Variants in INPP4B observed in about 807,000 individuals in gnomAD.
INPP4B encodes inositol polyphosphate 4-phosphatase type II.
A neutral mutation model predicts 122.5 loss-of-function variants in INPP4B; 55 were observed. The observed-to-expected ratio is 0.45, with a 90% confidence interval of 0.36 to 0.56. INPP4B has a LOEUF of 0.56. Ranked by LOEUF, INPP4B falls within the 20% of genes least tolerant of loss-of-function variation. The pLI is 0.00. For synonymous variants in INPP4B, 403 were observed against 388.7 expected (o/e 1.04, Z -0.43); for missense variants, 1,000 against 1,097.7 (o/e 0.91, Z 1.26).
intron 2 of INPP4B, among the ~76,000 whole-genome samples, chr4:142,515,568 A>G (rs372358242): frequency 7.2e-5 from 11 of 152,320 alleles, no homozygotes; most frequent in African/African-American, 2.2e-4. Flanking sequence ...AAGGGAATTC[A>G]GAGACTCATA....
At position 142,221,137 on chromosome 4, in the gene INPP4B, C is replaced by T. The variant is rs549699128; in HGVS notation, c.837-12111G>A. Among the ~76,000 whole-genome samples the T allele has an allele frequency of 7.2e-5, 11 of 152,112 alleles. No homozygotes were observed. In the South Asian group the frequency reaches 1.0e-3, roughly 14 times the overall value. On this transcript the variant is annotated intron_variant, in intron 12 of 25. Coordinates refer to ENST00000262992, the MANE Select transcript of INPP4B (RefSeq NM_001101669.3). ...CAATCCGGCTGGGCACGGTGGTTCA[C>T]GCCTGTAATCCCAGCACTTTGGGAG...
intron 1 of INPP4B, among the ~76,000 whole-genome samples, chr4:142,778,146 A>G (rs755735216): frequency 6.6e-6 from 1 of 152,200 alleles, no homozygotes; most frequent in African/African-American, 2.4e-5. Context: ...AACATGCTGT[A>G]AGCTTCAGTA....
At chr4:142,615,264 G>T (rs1241120553) in intron 2 of INPP4B, among the ~76,000 whole-genome samples, 1 of 152,110 alleles carries the variant, frequency 6.6e-6, no homozygotes, top group African/African-American at 2.4e-5. Context: ...TTTTAGAAAG[G>T]GAGGAGGTTT....
At chr4:142,151,221 C>G (rs1390061170) in intron 17 of INPP4B, among the ~76,000 whole-genome samples, 2 of 152,142 alleles carry the variant, frequency 1.3e-5, no homozygotes, top group African/African-American at 4.8e-5. Flanking sequence ...TTGAGTTGCA[C>G]TTAAAATATT....
At chr4:142,210,198 G>A (rs1056998107) in intron 12 of INPP4B, among the ~76,000 whole-genome samples, 2 of 152,078 alleles carry the variant, frequency 1.3e-5, no homozygotes, top group Non-Finnish European at 2.9e-5. Context: ...ATAAATTCAC[G>A]AGCTGTAGAA....
intron 1 of INPP4B, chr4:142,766,932 A>G (rs1772235032): frequency 6.6e-6 from 1 of 152,138 alleles, no homozygotes; most frequent in South Asian, 2.1e-4. Context: ...ATTCTTAATG[A>G]CTCTAAAAAC....
intron 7 of INPP4B, among the ~76,000 whole-genome samples, chr4:142,359,225 CAA>C (rs36016956): frequency 1.4e-5 from 2 of 143,812 alleles, no homozygotes; most frequent in African/African-American, 5.0e-5. Flanking sequence ...AACAAACAAA[CAA>C]AAAAAAAAAA....
intron 3 of INPP4B, among the ~76,000 whole-genome samples, chr4:142,442,276 G>A (rs2149448018): frequency 6.6e-6 from 1 of 152,002 alleles, no homozygotes; most frequent in African/African-American, 2.4e-5. Flanking sequence ...GCTGGACGTG[G>A]TGGCATGTGC....
intron 2 of INPP4B, among the ~76,000 whole-genome samples, chr4:142,639,336 T>C (rs754389417): frequency 2.0e-5 from 3 of 152,162 alleles, no homozygotes; most frequent in Non-Finnish European, 4.4e-5. Flanking sequence ...AGAATTGATA[T>C]AATTTTTTTC....
intron 2 of INPP4B, among the ~76,000 whole-genome samples, chr4:142,586,032 G>T (rs546261903): frequency 2.6e-5 from 4 of 152,094 alleles, no homozygotes; most frequent in African/African-American, 9.6e-5. Context: ...AAATTGGGCC[G>T]GGAGTGGTGG....
intron 1 of INPP4B, among the ~76,000 whole-genome samples, chr4:142,801,558 C>T (rs1001055455): frequency 1.3e-5 from 2 of 152,208 alleles, no homozygotes; most frequent in African/African-American, 4.8e-5. Context: ...CTTCGACTTT[C>T]AGCCTCCAGA....
At chr4:142,207,062 T>A (rs72937232) in intron 14 of INPP4B, among the ~76,000 whole-genome samples, 230 of 152,294 alleles carry the variant, frequency 1.5e-3, no homozygotes, top group African/African-American at 5.3e-3. Flanking sequence ...TTTGTCCCTC[T>A]GTATCCTGGC....
chr4:142,157,028 T>C (rs552075203), intron 17 of INPP4B, among the ~76,000 whole-genome samples: 3 of 152,206 alleles, frequency 2.0e-5, no homozygotes, highest in Admixed American at 2.0e-4. Context: ...TCACATAATA[T>C]CACAGAAACC....
intron 2 of INPP4B, among the ~76,000 whole-genome samples, chr4:142,665,597 G>A (rs1198851205): frequency 6.6e-6 from 1 of 151,878 alleles, no homozygotes; most frequent in Non-Finnish European, 1.5e-5. Flanking sequence ...GTCATTCACT[G>A]CAGTTTTGTT....
chr4:142,564,588 C>T (rs1731232769), intron 2 of INPP4B, among the ~76,000 whole-genome samples: 1 of 151,908 alleles, frequency 6.6e-6, no homozygotes, highest in Non-Finnish European at 1.5e-5. Flanking sequence ...AGTCCTCAAA[C>T]AGTAGGGTAC....
intron 7 of INPP4B, among the ~76,000 whole-genome samples, chr4:142,348,495 C>A (rs1407462235): frequency 1.3e-5 from 2 of 152,026 alleles, no homozygotes; most frequent in East Asian, 3.9e-4. Flanking sequence ...CCAATTCTCC[C>A]CAGATATAGA....
chr4:142,403,849 G>A (rs892054715), intron 6 of INPP4B, among the ~76,000 whole-genome samples: 4 of 151,968 alleles, frequency 2.6e-5, no homozygotes, highest in South Asian at 4.2e-4. Context: ...ACTTTGGAAC[G>A]GGCAGTGAAT....
intron 1 of INPP4B, among the ~76,000 whole-genome samples, chr4:142,763,719 T>A (rs1482428285): frequency 2.0e-5 from 3 of 152,128 alleles, no homozygotes; most frequent in Non-Finnish European, 4.4e-5. Context: ...ACTACCAAAG[T>A]AAAAGTGATG....
chr4:142,665,872 A>G (rs927394800), intron 2 of INPP4B, among the ~76,000 whole-genome samples: 1 of 152,306 alleles, frequency 6.6e-6, no homozygotes, highest in Admixed American at 6.5e-5. Context: ...GTGGATGCCT[A>G]AAACCATGGA....
Sources: gnomAD v4.1 joint callset for allele counts (sites outside exome capture counted in the v4.1 genomes callset) on GRCh38, gnomAD v4.1.1 for gene constraint, MANE v1.5 for transcripts, NCBI Gene and HGNC (gene_info 2026-07-23, HGNC 2026-07-21) for gene names.